Variants in CDK19 observed in about 807,000 individuals in gnomAD.
CDK19 encodes cyclin-dependent kinase 19.
CDK19 carries 20 observed loss-of-function variants against 68.3 expected under a neutral mutation model. That is an observed-to-expected ratio of 0.29 (90% CI 0.21 to 0.43). The LOEUF (loss-of-function observed/expected upper bound fraction) is 0.43, where lower values mean the gene tolerates loss of function less well. Among genes scored for constraint, CDK19 ranks in the 20% least tolerant of loss-of-function variants. The probability of loss-of-function intolerance (pLI) is 1.00; values close to 1 mark genes in which losing one functional copy is unlikely to be tolerated. For missense variants in CDK19, 339 were observed against 623.5 expected (o/e 0.54, Z 4.86); for synonymous variants, 221 against 222.8 (o/e 0.99, Z 0.07).
At chr6:110,734,524 T>TCTCTCTCTCTCTCTCTCTCC in intron 2 of CDK19, among the ~76,000 whole-genome samples, 1 of 127,534 alleles carries the variant, frequency 7.8e-6, no homozygotes, top group Non-Finnish European at 1.7e-5. Flanking sequence ...AGCACTGCTC[T>TCTCTCTCTCTCTCTCTCTCC]CTCTCTCTCT....
intron 1 of CDK19, among the ~76,000 whole-genome samples, chr6:110,801,506 G>C (rs978505601): frequency 2.6e-5 from 4 of 151,948 alleles, no homozygotes; most frequent in African/African-American, 9.7e-5. Context: ...ATAAATTACA[G>C]GTTTTTTTGT....
At chr6:110,803,939 T>C (rs988719432) in intron 1 of CDK19, among the ~76,000 whole-genome samples, 6 of 152,016 alleles carry the variant, frequency 3.9e-5, no homozygotes, top group Non-Finnish European at 8.8e-5. Flanking sequence ...ACTTTCAGCC[T>C]GGGTGACAAG....
chr6:110,683,827 G>A (rs1026189573), intron 2 of CDK19, among the ~76,000 whole-genome samples: 7 of 148,780 alleles, frequency 4.7e-5, no homozygotes, highest in East Asian at 2.0e-4. Context: ...TCAGCCTCCC[G>A]AGTAGCTGGG....
At chr6:110,787,674 T>C (rs1392101165) in intron 1 of CDK19, among the ~76,000 whole-genome samples, 1 of 152,196 alleles carries the variant, frequency 6.6e-6, no homozygotes, top group Non-Finnish European at 1.5e-5. Context: ...ACTCCTGGGC[T>C]CAAGTGATCC....
intron 4 of CDK19, among the ~76,000 whole-genome samples, chr6:110,641,821 C>T (rs566178150): frequency 5.9e-5 from 9 of 152,130 alleles, no homozygotes; most frequent in African/African-American, 2.2e-4. Context: ...GTGAGGATAA[C>T]TAAGATTTGG....
intron 2 of CDK19, among the ~76,000 whole-genome samples, chr6:110,687,133 T>A (rs182863207): frequency 6.6e-6 from 1 of 152,340 alleles, no homozygotes; most frequent in African/African-American, 2.4e-5. Context: ...TTCATACCTT[T>A]CTCTACCTCC....
intron 2 of CDK19, among the ~76,000 whole-genome samples, chr6:110,702,533 G>A (rs1347915900): frequency 6.6e-6 from 1 of 152,050 alleles, no homozygotes; most frequent in East Asian, 1.9e-4. Flanking sequence ...AGGCTAAAAT[G>A]GGAAGATTGC....
intron 1 of CDK19, among the ~76,000 whole-genome samples, chr6:110,785,403 G>A (rs1201541880): frequency 6.6e-6 from 1 of 152,050 alleles, no homozygotes; most frequent in African/African-American, 2.4e-5. Flanking sequence ...AACATAAATA[G>A]TCAATTAACA....
At chr6:110,797,081 C>A (rs1326004518) in intron 1 of CDK19, among the ~76,000 whole-genome samples, 4 of 151,492 alleles carry the variant, frequency 2.6e-5, no homozygotes, top group African/African-American at 9.7e-5. Context: ...GTGGCTCACA[C>A]CTGTAATCTC....
intron 2 of CDK19, among the ~76,000 whole-genome samples, chr6:110,715,079 C>CT (rs1562225479): frequency 6.6e-6 from 1 of 151,972 alleles, no homozygotes; most frequent in Admixed American, 6.6e-5. Flanking sequence ...AATGGGGTTT[C>CT]TTTTTTGTGA....
intron 2 of CDK19, among the ~76,000 whole-genome samples, chr6:110,675,627 CAAAAAAAAAAA>C (rs57966061): frequency 1.8e-5 from 1 of 56,532 alleles, no homozygotes; most frequent in Non-Finnish European, 3.4e-5. Context: ...GACTCCATCT[CAAAAAAAAAAA>C]AAAAAAAAAA....
At chr6:110,672,600 T>C (rs1771113877) in intron 2 of CDK19, among the ~76,000 whole-genome samples, 1 of 152,344 alleles carries the variant, frequency 6.6e-6, no homozygotes, top group African/African-American at 2.4e-5. Flanking sequence ...CTTTTATTAA[T>C]TGCTTATTTT....
At chr6:110,637,604 G>T (rs764429133) in intron 5 of CDK19, among the ~76,000 whole-genome samples, 4 of 152,178 alleles carry the variant, frequency 2.6e-5, no homozygotes, top group Non-Finnish European at 5.9e-5. Flanking sequence ...TATTCTAATA[G>T]CAAAGAAACC....
intron 1 of CDK19, among the ~76,000 whole-genome samples, chr6:110,789,712 A>G (rs1781464703): frequency 6.6e-6 from 1 of 152,164 alleles, no homozygotes; most frequent in African/African-American, 2.4e-5. Context: ...GCCTGGCCAA[A>G]TTTTAACTTT....
chr6:110,681,819 A>C (rs1038100226), intron 2 of CDK19, among the ~76,000 whole-genome samples: 20 of 152,338 alleles, frequency 1.3e-4, no homozygotes, highest in African/African-American at 4.8e-4. Context: ...CAGCATAGTA[A>C]CATGATCCCA....
intron 1 of CDK19, among the ~76,000 whole-genome samples, chr6:110,797,984 C>CAAA (rs56710819): frequency 2.4e-3 from 206 of 86,818 alleles, no homozygotes; most frequent in Non-Finnish European, 2.9e-3. Flanking sequence ...GACTCCGTCT[C>CAAA]AAAAAAAAAA....
chr6:110,804,932 G>T (rs1381664946), intron 1 of CDK19, among the ~76,000 whole-genome samples: 8 of 151,620 alleles, frequency 5.3e-5, no homozygotes, highest in African/African-American at 1.9e-4. Context: ...CTCCAACCTG[G>T]GCGACAGAAC....
chr6:110,767,804 T>C (rs974488524), intron 1 of CDK19, among the ~76,000 whole-genome samples: 11 of 152,210 alleles, frequency 7.2e-5, no homozygotes, highest in Admixed American at 3.3e-4. Flanking sequence ...AAAATCATTA[T>C]ATATCAATTA....
At chr6:110,810,496 C>T (rs1783003701) in intron 1 of CDK19, among the ~76,000 whole-genome samples, 1 of 152,134 alleles carries the variant, frequency 6.6e-6, no homozygotes, top group African/African-American at 2.4e-5. Flanking sequence ...GCAGCATGGC[C>T]AGGTAAGGTG....
Sources: allele counts gnomAD v4.1 joint callset (sites outside exome capture counted in the v4.1 genomes callset), GRCh38; gene constraint gnomAD v4.1.1; transcripts MANE v1.5; gene names NCBI Gene and HGNC (gene_info 2026-07-23, HGNC 2026-07-21).